The following PHLPP2 variants were observed in gnomAD, a reference collection of about 807,000 sequenced individuals.
PHLPP2 encodes PH domain leucine-rich repeat-containing protein phosphatase 2.
Under a neutral mutation model 124.9 loss-of-function variants are expected in PHLPP2, and 66 were observed. The ratio of observed to expected loss-of-function variants is 0.53; its 90% CI spans 0.43 to 0.65. The LOEUF (loss-of-function observed/expected upper bound fraction) is 0.65. PHLPP2 is among the 30% of genes least tolerant of loss of function. The pLI is 0.00. For missense variants in PHLPP2, 1,685 were observed against 1,600.4 expected, an observed-to-expected ratio of 1.05 and a Z score of -0.90; for synonymous variants, 681 against 624.7, an observed-to-expected ratio of 1.09 and a Z score of -1.34.
At chr16:71,701,453 A>G (rs946470140) in intron 3 of PHLPP2, among the ~76,000 whole-genome samples, 4 of 152,148 alleles carry the variant, frequency 2.6e-5, no homozygotes, top group Non-Finnish European at 5.9e-5. Flanking sequence ...TAGCTTTTCT[A>G]TGTCAACAGA....
intron 3 of PHLPP2, among the ~76,000 whole-genome samples, chr16:71,697,867 A>T (rs528412265): frequency 5.9e-4 from 44 of 74,046 alleles, no homozygotes; most frequent in Non-Finnish European, 1.0e-3. Context: ...TTTTTTTTTG[A>T]GATGGAGTCT....
chr16:71,661,905 C>A (rs930257248), intron 13 of PHLPP2, among the ~76,000 whole-genome samples: 1 of 151,584 alleles, frequency 6.6e-6, no homozygotes, highest in African/African-American at 2.4e-5. Context: ...CTCACTGCAA[C>A]CTCTGCCTCC....
chr16:71,661,065 G>GT (rs2044785390), intron 13 of PHLPP2, among the ~76,000 whole-genome samples: 1 of 135,320 alleles, frequency 7.4e-6, no homozygotes, highest in African/African-American at 2.8e-5. Flanking sequence ...TCTTGTCTTT[G>GT]TCTTTTTTTT....
chr16:71,691,912 AT>A (rs1218684531), intron 3 of PHLPP2, among the ~76,000 whole-genome samples: 2 of 152,104 alleles, frequency 1.3e-5, no homozygotes, highest in Non-Finnish European at 2.9e-5. Flanking sequence ...CCTGGACATC[AT>A]AGTAAGACCC....
intron 3 of PHLPP2, chr16:71,698,503 A>G (rs1417489065): frequency 2.7e-6 from 2 of 744,914 alleles, no homozygotes; most frequent in Non-Finnish European, 4.8e-6. Context: ...GGCACCTCGC[A>G]TACCTGTTTG....
intron 1 of PHLPP2, among the ~76,000 whole-genome samples, chr16:71,721,262 C>T (rs1008116011): frequency 3.3e-5 from 5 of 151,120 alleles, no homozygotes; most frequent in Middle Eastern, 3.5e-3. Flanking sequence ...GAGCCATGAT[C>T]GCGCCACTGC....
chr16:71,705,980 A>C (rs1394929620), intron 2 of PHLPP2, among the ~76,000 whole-genome samples: 1 of 152,272 alleles, frequency 6.6e-6, no homozygotes, highest in Non-Finnish European at 1.5e-5. Flanking sequence ...TAATGTGCTT[A>C]CAGTTCAATT....
rs1454850579 is a variant in PHLPP2, at chr16:71,664,056, G to T, written c.1828C>A (p.Pro610Thr). 6.2e-7 allele frequency: 1 copy of T among 1,613,920 alleles called. No homozygotes were observed. Among genetic ancestry groups the T allele is most frequent in the Admixed American group, 1.7e-5 (1 of 60,016 alleles). The stretch of plus-strand genomic sequence containing the variant: ...CTCTCCTCTCCAGTGCAGGCGGATG[G>T]TAAAGACTCCAGACTATTTGCAGAT... ...NASANSLESL[P>T]SACTGEESLS... The change falls in exon 13 of 19, where the codon CCA becomes ACA. Residue 610 changes from proline to threonine, a missense_variant. Physicochemically the swap from Pro to Thr is conservative, Grantham distance 38. Coordinates refer to ENST00000568954, the MANE Select transcript of PHLPP2 (RefSeq NM_015020.3).
In PHLPP2 at chr16:71,690,645, C is replaced by T. The variant is rs779346374; in HGVS notation, c.483G>A (p.Lys161=). The T allele has an allele frequency of 9.9e-6, 16 of 1,613,820 alleles. No individual in the cohort carries two copies. Among genetic ancestry groups the T allele is most frequent in the South Asian group, 8.8e-5 (8 of 91,076 alleles). Residue 161 remains lysine, a synonymous_variant, in exon 4 of 19, where the codon AAG becomes AAA. Coordinates refer to ENST00000568954, the MANE Select transcript of PHLPP2 (RefSeq NM_015020.3). ...ILLSGIYNVR[K]GKTQLHKWAE... ...CCCACTTATGCAGCTGGGTCTTTCCCTTGCGTACATTATAGATGCCAGACA... is the reference window on the plus strand; with the variant it reads ...CCCACTTATGCAGCTGGGTCTTTCCTTTGCGTACATTATAGATGCCAGACA...
At chr16:71,668,857 T>C (rs2044864647) in intron 11 of PHLPP2, among the ~76,000 whole-genome samples, 2 of 152,344 alleles carry the variant, frequency 1.3e-5, no homozygotes, top group African/African-American at 2.4e-5. Flanking sequence ...AAGCTTTACA[T>C]TCCTCATTTC....
intron 1 of PHLPP2, among the ~76,000 whole-genome samples, chr16:71,720,500 C>A (rs1207206328): frequency 6.6e-6 from 1 of 152,142 alleles, no homozygotes; most frequent in Non-Finnish European, 1.5e-5. Flanking sequence ...CACTCACATA[C>A]AATAATAAGA....
chr16:71,714,209 G>C (rs2045342469), intron 2 of PHLPP2, among the ~76,000 whole-genome samples: 1 of 151,634 alleles, frequency 6.6e-6, no homozygotes, highest in Non-Finnish European at 1.5e-5. Flanking sequence ...CCAAGTGCTG[G>C]GATTATAGGC....
At chr16:71,658,886 G>C (rs1360013276) in intron 13 of PHLPP2, 71 bp from the exon 14 acceptor site, 17 of 1,420,498 alleles carry the variant, frequency 1.2e-5, no homozygotes, top group Non-Finnish European at 3.9e-6. Context: ...CTATTCTACA[G>C]CAGCCACAGA....
chr16:71,711,141 C>T (rs995941067), intron 2 of PHLPP2, among the ~76,000 whole-genome samples: 2 of 151,758 alleles, frequency 1.3e-5, no homozygotes, highest in African/African-American at 4.8e-5. Context: ...ACTAGGCTGC[C>T]CAATATGGAG....
chr16:71,667,470 G>A, intron 11 of PHLPP2, 137 bp from the exon 12 acceptor site: 1 of 655,002 alleles, frequency 1.5e-6, no homozygotes, highest in South Asian at 2.3e-5. Context: ...ACTGACAAGT[G>A]CCTGAGCCAA....
intron 3 of PHLPP2, among the ~76,000 whole-genome samples, chr16:71,701,760 A>AC (rs2045235054): frequency 2.9e-5 from 1 of 34,780 alleles, no homozygotes; most frequent in Non-Finnish European, 4.9e-5. Context: ...GTCTGAAAAT[A>AC]GGAAGTAAAG....
At chr16:71,723,582 G>T (rs1293980843) in intron 1 of PHLPP2, 1 of 252,554 alleles carries the variant, frequency 4.0e-6, no homozygotes. Context: ...CGGGCGCGGC[G>T]CGGAGGCCTC....
chr16:71,673,512 C>T (rs1259034310), intron 9 of PHLPP2, among the ~76,000 whole-genome samples: 6 of 152,068 alleles, frequency 3.9e-5, no homozygotes, highest in Non-Finnish European at 1.5e-5. Flanking sequence ...ATCAAAACTG[C>T]AAGTTTTTAT....
At chr16:71,719,637 A>G (rs1402676763) in intron 1 of PHLPP2, among the ~76,000 whole-genome samples, 1 of 151,982 alleles carries the variant, frequency 6.6e-6, no homozygotes, top group East Asian at 1.9e-4. Context: ...GAATCTCATG[A>G]CACACACCGA....
Sources: allele counts gnomAD v4.1 joint callset (sites outside exome capture counted in the v4.1 genomes callset), GRCh38; gene constraint gnomAD v4.1.1; transcripts MANE v1.5; gene names NCBI Gene and HGNC (gene_info 2026-07-23, HGNC 2026-07-21).